SUPT3H: variants seen among roughly 807,000 people sequenced by gnomAD.
SUPT3H encodes the protein SPT3 homolog, SAGA and STAGA complex component.
A neutral mutation model predicts 44.3 loss-of-function variants in SUPT3H; 44 were observed. That is an observed-to-expected ratio of 0.99 (90% CI 0.78 to 1.28). The LOEUF is 1.28. SUPT3H is among the 50% of genes most tolerant of loss of function. SUPT3H has a pLI of 0.00. For missense variants in SUPT3H, 380 were observed against 387.1 expected (o/e 0.98, Z 0.15); for synonymous variants, 124 against 125.6 (o/e 0.99, Z 0.09).
chr6:44,961,464 A>G (rs1285500805), intron 7 of SUPT3H, among the ~76,000 whole-genome samples: 1 of 152,190 alleles, frequency 6.6e-6, no homozygotes, highest in Non-Finnish European at 1.5e-5. Context: ...AAATGGAAAT[A>G]CTAAGACAAT....
At chr6:45,286,569 G>C (rs919569161) in intron 2 of SUPT3H, among the ~76,000 whole-genome samples, 1 of 152,082 alleles carries the variant, frequency 6.6e-6, no homozygotes, top group African/African-American at 2.4e-5. Flanking sequence ...TTAGAATGGC[G>C]ATCATTAAAA....
intron 2 of SUPT3H, among the ~76,000 whole-genome samples, chr6:45,265,059 G>C (rs1423561769): frequency 6.6e-6 from 1 of 152,048 alleles, no homozygotes; most frequent in African/African-American, 2.4e-5. Flanking sequence ...AATTTTCCTT[G>C]ATATACACAC....
chr6:45,018,775 C>G (rs1027842566), intron 4 of SUPT3H, among the ~76,000 whole-genome samples: 1 of 151,896 alleles, frequency 6.6e-6, no homozygotes, highest in Admixed American at 6.6e-5. Context: ...ATTTTTGCAT[C>G]AATGTTCATC....
At position 45,243,197 on chromosome 6, in the gene SUPT3H, C is replaced by CAAAAAAA. The variant is rs61643038; in HGVS notation, c.101+121997_101+122003dup. 1.7e-3 allele frequency among the ~76,000 whole-genome samples: 122 copies of CAAAAAAA among 72,548 alleles called. 20 individuals are homozygous for CAAAAAAA. The highest frequency in any genetic ancestry group is 7.0e-3 in the African/African-American group (94 of 13,496). The allele number at this position is 72,548 out of a possible 152,430, so 47.6% of individuals were successfully genotyped here. ...TGGGAAACAGAGCGAGACTCCTTCT[C>CAAAAAAA]AAAAAAAAAAAAAAAAAAAAAAAGC... On this transcript the variant is annotated intron_variant, in intron 2 of 10. Coordinates refer to ENST00000371459, the MANE Select transcript of SUPT3H (RefSeq NM_003599.4).
At chr6:44,959,444 G>A (rs764905656) in intron 7 of SUPT3H, among the ~76,000 whole-genome samples, 1 of 151,922 alleles carries the variant, frequency 6.6e-6, no homozygotes, top group African/African-American at 2.4e-5. Flanking sequence ...AAAATACACA[G>A]AGCCTCTCTG....
chr6:45,151,196 A>C (rs1806917477), intron 2 of SUPT3H, among the ~76,000 whole-genome samples: 1 of 152,184 alleles, frequency 6.6e-6, no homozygotes, highest in South Asian at 2.1e-4. Flanking sequence ...GTGGGTATGC[A>C]GATAGTAAAC....
intron 2 of SUPT3H, among the ~76,000 whole-genome samples, chr6:45,292,126 C>A (rs1292645958): frequency 6.6e-6 from 1 of 152,108 alleles, no homozygotes; most frequent in East Asian, 1.9e-4. Flanking sequence ...GGGATTGGGG[C>A]CCTATCTTCA....
chr6:45,134,446 A>G (rs1009330312), intron 2 of SUPT3H, among the ~76,000 whole-genome samples: 6 of 152,172 alleles, frequency 3.9e-5, no homozygotes, highest in Admixed American at 3.3e-4. Flanking sequence ...TCACAATGCA[A>G]AACACATTCA....
intron 10 of SUPT3H, among the ~76,000 whole-genome samples, chr6:44,870,322 C>CGTG (rs1776162445): frequency 1.3e-5 from 2 of 152,206 alleles, no homozygotes; most frequent in East Asian, 3.9e-4. Context: ...GTCGGCCAGG[C>CGTG]GTGGTGGTTC....
chr6:45,365,356 C>CA (rs965242582), intron 1 of SUPT3H, 55 bp from the exon 2 acceptor site: 7,888 of 936,194 alleles, frequency 8.4e-3, no homozygotes, highest in South Asian at 0.011. Flanking sequence ...TAAGTAAATG[C>CA]AAAAAAAAAA....
intron 6 of SUPT3H, among the ~76,000 whole-genome samples, chr6:44,983,980 G>A (rs986972408): frequency 5.9e-5 from 9 of 152,062 alleles, no homozygotes; most frequent in East Asian, 1.9e-4. Context: ...ATAAAATACC[G>A]ACAGTCTCAA....
chr6:45,085,129 T>A (rs1047167723), intron 3 of SUPT3H, among the ~76,000 whole-genome samples: 7 of 151,996 alleles, frequency 4.6e-5, no homozygotes, highest in African/African-American at 1.4e-4. Context: ...TGAAATTTTT[T>A]AAAAAATTAA....
At chr6:44,879,226 C>G (rs1421241229) in intron 10 of SUPT3H, among the ~76,000 whole-genome samples, 3 of 152,122 alleles carry the variant, frequency 2.0e-5, no homozygotes, top group Admixed American at 6.5e-5. Context: ...CTGGGACATT[C>G]GAGCTTGGTG....
At chr6:45,291,076 T>C (rs1780240278) in intron 2 of SUPT3H, among the ~76,000 whole-genome samples, 2 of 152,184 alleles carry the variant, frequency 1.3e-5, no homozygotes, top group African/African-American at 4.8e-5. Context: ...CCCCAAATAC[T>C]GTGCTGGTAT....
At chr6:44,848,163 T>C (rs1772232632) in intron 10 of SUPT3H, among the ~76,000 whole-genome samples, 1 of 150,828 alleles carries the variant, frequency 6.6e-6, no homozygotes, top group Non-Finnish European at 1.5e-5. Flanking sequence ...AGAGACGGGG[T>C]TTCACCATGT....
At chr6:45,170,534 A>G (rs1171157627) in intron 2 of SUPT3H, among the ~76,000 whole-genome samples, 1 of 152,248 alleles carries the variant, frequency 6.6e-6, no homozygotes, top group Non-Finnish European at 1.5e-5. Flanking sequence ...ATTCTGTTTA[A>G]GGGAATTAAA....
chr6:45,014,562 C>T (rs961943073), intron 5 of SUPT3H, among the ~76,000 whole-genome samples: 1 of 152,094 alleles, frequency 6.6e-6, no homozygotes, highest in African/African-American at 2.4e-5. Context: ...CATTTCAATT[C>T]ATCTGCAGAA....
At chr6:44,935,372 T>C (rs1771233453) in intron 9 of SUPT3H, among the ~76,000 whole-genome samples, 1 of 152,210 alleles carries the variant, frequency 6.6e-6, no homozygotes, top group African/African-American at 2.4e-5. Flanking sequence ...ATTAATAATC[T>C]TATATCAGCT....
At chr6:45,325,696 G>C (rs1786233980) in intron 2 of SUPT3H, among the ~76,000 whole-genome samples, 1 of 151,592 alleles carries the variant, frequency 6.6e-6, no homozygotes, top group Non-Finnish European at 1.5e-5. Context: ...TTATAACCAT[G>C]GTATAAATCT....
Sources: gnomAD v4.1 joint callset for allele counts (sites outside exome capture counted in the v4.1 genomes callset) on GRCh38, gnomAD v4.1.1 for gene constraint, MANE v1.5 for transcripts, NCBI Gene and HGNC (gene_info 2026-07-23, HGNC 2026-07-21) for gene names.